SPTY2D1: variants seen among roughly 807,000 people sequenced by gnomAD.
SPTY2D1 encodes the protein protein SPT2 homolog.
SPTY2D1 carries 21 observed loss-of-function variants against 64.0 expected under a neutral mutation model. The observed-to-expected ratio is 0.33, with a 90% CI of 0.23 to 0.47. The LOEUF is 0.47. Among genes scored for constraint, SPTY2D1 ranks in the 20% least tolerant of loss-of-function variants. SPTY2D1 has a pLI of 1.00. For missense variants in SPTY2D1, 724 were observed against 837.2 expected (o/e 0.86, Z 1.67); for synonymous variants, 287 against 286.8 (o/e 1.00, Z -0.01).
chr11:18,630,199 G>C (rs180949876), intron 1 of SPTY2D1, among the ~76,000 whole-genome samples: 1 of 151,664 alleles, frequency 6.6e-6, no homozygotes, highest in Non-Finnish European at 1.5e-5. Context: ...AGCTCTGGCC[G>C]GGCATGGTGG....
chr11:18,628,918 C>T (rs1854541779), intron 1 of SPTY2D1, among the ~76,000 whole-genome samples: 3 of 152,174 alleles, frequency 2.0e-5, no homozygotes, highest in African/African-American at 4.8e-5. Flanking sequence ...ATGCAGACTA[C>T]TTCAAGAATT....
At position 18,612,270 on chromosome 11, in the gene SPTY2D1, TAAAA is replaced by T. The variant is rs763233120; in HGVS notation, c.1886+40_1886+43del. 1 of 1,495,670 alleles carries T rather than the reference TAAAA, an allele frequency of 6.7e-7. No individual in the cohort carries two copies. Among genetic ancestry groups the T allele is most frequent in the Non-Finnish European group, 9.0e-7 (1 of 1,110,498 alleles). 92.6% of individuals were successfully genotyped at this position (1,495,670 alleles called of 1,614,324 possible). A position where few individuals can be genotyped will look rare whatever the true frequency, so the allele number is the denominator to read the frequency against. On this transcript the variant is annotated intron_variant, in intron 4 of 5. Transcript: ENST00000336349. The surrounding 1 kb of genome is among the most constrained non-coding windows in gnomAD (Gnocchi z 4.6). The stretch of plus-strand genomic sequence containing the variant: ...ACCCCATGACATGAATTATTCAAAA[TAAAA>T]AAAGGATGTCATAGTTATCTGAATC...
chr11:18,624,965 C>T (rs61884738), intron 1 of SPTY2D1, among the ~76,000 whole-genome samples: 1,893 of 152,282 alleles, frequency 0.012, 16 homozygotes, highest in Non-Finnish European at 0.02. Context: ...CGCCATTGCA[C>T]TCCAGCCTGG....
chr11:18,629,486 G>C (rs1470129305), intron 1 of SPTY2D1, among the ~76,000 whole-genome samples: 1 of 152,124 alleles, frequency 6.6e-6, no homozygotes, highest in Admixed American at 6.6e-5. Flanking sequence ...CTGGGCGACA[G>C]AGTGAGACTT....
rs746672410 is a variant in SPTY2D1, at chr11:18,611,534, T to C, written c.1907A>G (p.Tyr636Cys). 6.2e-7 allele frequency: 1 copy of C among 1,613,992 alleles called. No individual in the cohort carries two copies. Among genetic ancestry groups the C allele is most frequent in the South Asian group, 1.1e-5 (1 of 91,082 alleles). Residue 636 changes from tyrosine to cysteine, a missense_variant, in exon 5 of 6, where the codon TAT (tyrosine) becomes TGT (cysteine). By Grantham distance (194) the Tyr-to-Cys change is radical. This residue lies in a region of SPTY2D1 where 119 missense variants were observed against 172.9 expected (regional missense o/e 0.69). Transcript: ENST00000336349. ...ACTACTTTCCATGTAACGTAAGGCA[T>C]AATCACTTTCATCTTTGTATCTGAT... ...DRKKYKDESD[Y>C]ALRYMESSWK... is the part of the protein sequence containing the mutation.
rs1854292240 is a variant in SPTY2D1 at position 18,615,914 on chromosome 11, G to T, written c.360C>A (p.Asp120Glu). The T allele has an allele frequency of 3.7e-6, 6 of 1,614,088 alleles. No individual in the cohort carries two copies. Among genetic ancestry groups the T allele is most frequent in the Non-Finnish European group, 4.2e-6 (5 of 1,180,026 alleles). The change falls in exon 3 of 6, where the codon GAC becomes GAA. Residue 120 changes from aspartate to glutamate, a missense_variant. By Grantham distance (45) the Asp-to-Glu change is conservative. Transcript: ENST00000336349. ...TCTCTTCTTCCATTTCATACTCTCG[G>T]TCGGTTCCTTGGCTGGTATGGCTTT... ...ATESHTSQGT[D>E]REYEMEEENE...
chr11:18,627,131 G>T (rs952432916), intron 1 of SPTY2D1, among the ~76,000 whole-genome samples: 6 of 151,816 alleles, frequency 4.0e-5, no homozygotes, highest in African/African-American at 1.5e-4. Flanking sequence ...AAAGACCCTT[G>T]GCCAGGCATG....
At chr11:18,620,231 T>C (rs1360126908) in intron 1 of SPTY2D1, among the ~76,000 whole-genome samples, 1 of 152,152 alleles carries the variant, frequency 6.6e-6, no homozygotes, top group African/African-American at 2.4e-5. Context: ...TCCCAGCACT[T>C]TGGGAGGACA....
At chr11:18,614,432 A>G (rs1854254800) in intron 3 of SPTY2D1, 131 bp downstream of exon 3, 4 of 922,760 alleles carry the variant, frequency 4.3e-6, no homozygotes, top group Non-Finnish European at 6.5e-6. Context: ...ATAAAACATC[A>G]CGATTCTATC....
At chr11:18,619,202 A>G (rs892282912) in intron 1 of SPTY2D1, among the ~76,000 whole-genome samples, 2 of 152,244 alleles carry the variant, frequency 1.3e-5, no homozygotes, top group African/African-American at 4.8e-5. Context: ...TGGAAAGGGC[A>G]CCATGAATAT....
chr11:18,620,241 A>G (rs982034603), intron 1 of SPTY2D1, among the ~76,000 whole-genome samples: 3 of 152,138 alleles, frequency 2.0e-5, no homozygotes, highest in Non-Finnish European at 4.4e-5. Context: ...TTGGGAGGAC[A>G]AGGCGGGCAG....
At chr11:18,610,885 G>A (rs967923478) in intron 5 of SPTY2D1, among the ~76,000 whole-genome samples, 1 of 152,082 alleles carries the variant, frequency 6.6e-6, no homozygotes, top group Non-Finnish European at 1.5e-5. Context: ...ACAGGATTAG[G>A]GAAAGCATCT....
At chr11:18,622,408 G>A (rs1263761849) in intron 1 of SPTY2D1, among the ~76,000 whole-genome samples, 3 of 151,884 alleles carry the variant, frequency 2.0e-5, no homozygotes, top group Admixed American at 2.0e-4. Context: ...ACGCACGCCT[G>A]TAGTCCCAGC....
At chr11:18,621,663 CT>C (rs1410675864) in intron 1 of SPTY2D1, among the ~76,000 whole-genome samples, 1 of 152,122 alleles carries the variant, frequency 6.6e-6, no homozygotes, top group African/African-American at 2.4e-5. Context: ...TATACAATGT[CT>C]ATTTTGTTGA....
In SPTY2D1 at chr11:18,634,325, G is replaced by T. The variant is rs999565159; in HGVS notation, c.-68C>A. On this transcript the variant is annotated 5_prime_UTR_variant, in exon 1 of 6. Coordinates refer to ENST00000336349, the MANE Select transcript of SPTY2D1 (RefSeq NM_194285.3). ...GACTGACAGCGCACCTAACCGAGGC[G>T]CCCAGCTACAGCCAACTGCACTGCC... 2.6e-6 allele frequency: 4 copies of T among 1,557,620 alleles called. No individual in the cohort carries two copies. Among genetic ancestry groups the T allele is most frequent in the African/African-American group, 2.7e-5 (2 of 73,844 alleles).
In SPTY2D1 at chr11:18,607,460, T is replaced by A. The variant is rs1854127758; in HGVS notation, c.*2401A>T. On this transcript the variant is annotated 3_prime_UTR_variant, in exon 6 of 6. Coordinates refer to ENST00000336349, the MANE Select transcript of SPTY2D1 (RefSeq NM_194285.3). The stretch of plus-strand genomic sequence containing the variant: ...GTAACATTATTACAATCATGAAATA[T>A]TACTACATTCGTGATTAACATTACC... 1 of 152,594 alleles carries A rather than the reference T, an allele frequency of 6.6e-6. No homozygotes were observed. Among genetic ancestry groups the A allele is most frequent in the Non-Finnish European group, 1.5e-5 (1 of 68,040 alleles). 9.5% of individuals were successfully genotyped at this position (152,594 alleles called of 1,614,324 possible).
rs2134106329 is a variant in SPTY2D1 at position 18,608,190 on chromosome 11, A to T, written c.*1671T>A. 6.5e-6 allele frequency: 1 copy of T among 152,748 alleles called. No homozygotes were observed. The highest frequency in any genetic ancestry group is 2.1e-4 in the South Asian group (1 of 4,830). The allele number at this position is 152,748 out of a possible 1,614,324, so 9.5% of individuals were successfully genotyped here. On this transcript the variant is annotated 3_prime_UTR_variant, in exon 6 of 6. Transcript: ENST00000336349. Reference sequence around the variant, plus strand: ...GTAACAGTTCTATATGTAGTTACAAAGGGTGTTATTCCTAGTGATGATGAC... The same window carrying T: ...GTAACAGTTCTATATGTAGTTACAATGGGTGTTATTCCTAGTGATGATGAC...
chr11:18,625,512 C>T (rs1445645643), intron 1 of SPTY2D1, among the ~76,000 whole-genome samples: 6 of 151,948 alleles, frequency 3.9e-5, no homozygotes, highest in Non-Finnish European at 2.9e-5. Context: ...GAATCCAGAT[C>T]GCCTAACTCA....
Position 18,614,698 on chromosome 11 carries a change from TACTA to T in SPTY2D1, c.1572_1575del (p.Ser525AlafsTer6). The T allele has an allele frequency of 6.2e-7, 1 of 1,614,256 alleles. No homozygotes were observed. Among genetic ancestry groups the T allele is most frequent in the Non-Finnish European group, 8.5e-7 (1 of 1,180,034 alleles). ...TTAGGCTTTATAGTGGGACCTGAGC[TACTA>T]ACTGTTTGCCCAGGTCCCAAGCTGC... On this transcript the variant is annotated frameshift_variant, in exon 3 of 6. Transcript: ENST00000336349. LOFTEE classifies it high-confidence loss of function.
Sources: gnomAD v4.1 joint callset for allele counts (sites outside exome capture counted in the v4.1 genomes callset) on GRCh38, gnomAD v4.1.1 for gene constraint, gnomAD v4.1.1 regional missense constraint, Gnocchi (gnomAD v3.1) non-coding constraint, MANE v1.5 for transcripts, NCBI Gene and HGNC (gene_info 2026-07-23, HGNC 2026-07-21) for gene names.